RB1: variants seen among roughly 807,000 people sequenced by gnomAD.
The protein encoded by RB1 is retinoblastoma-associated protein.
Under a neutral mutation model 135.4 loss-of-function variants are expected in RB1, and 18 were observed. That is an observed-to-expected ratio of 0.13 (90% confidence interval 0.09 to 0.20). The LOEUF is 0.20. Among genes scored for constraint, RB1 ranks in the 10% least tolerant of loss-of-function variants. The pLI, the probability that RB1 is intolerant of heterozygous loss-of-function variation, is 1.00. For missense variants in RB1, 868 were observed against 1,110.0 expected (o/e 0.78, Z 3.10); for synonymous variants, 365 against 373.2 (o/e 0.98, Z 0.25).
At chr13:48,474,403 G>A (rs905412923) in intron 24 of RB1, among the ~76,000 whole-genome samples, 2 of 152,072 alleles carry the variant, frequency 1.3e-5, no homozygotes, top group Non-Finnish European at 2.9e-5. Flanking sequence ...AATTCGAAGG[G>A]TTTTAGGAGC....
intron 17 of RB1, among the ~76,000 whole-genome samples, chr13:48,429,944 T>C (rs1949112881): frequency 6.6e-6 from 1 of 152,184 alleles, no homozygotes; most frequent in African/African-American, 2.4e-5. Flanking sequence ...TGCCAGGCAG[T>C]TTTTCTGGGA....
intron 17 of RB1, among the ~76,000 whole-genome samples, chr13:48,422,369 G>A (rs879273393): frequency 3.3e-5 from 5 of 152,114 alleles, no homozygotes; most frequent in Admixed American, 1.3e-4. Flanking sequence ...GCCTGTCGGG[G>A]TTGGGGGTTA....
intron 17 of RB1, among the ~76,000 whole-genome samples, chr13:48,387,483 A>G (rs1296417464): frequency 6.6e-6 from 1 of 152,152 alleles, no homozygotes. Flanking sequence ...TGAAATGTCC[A>G]CAAGAGGCAA....
chr13:48,388,912 C>A lies in RB1; in HGVS notation c.1695+7469C>A, dbSNP rs1054118722. 5.9e-5 allele frequency among the ~76,000 whole-genome samples: 9 copies of A among 152,232 alleles called. No individual in the cohort carries two copies. In the East Asian group the frequency reaches 1.7e-3, roughly 29 times the overall value. ...CAATGGCTCCCGCCTGTAATCCCAG[C>A]ACTTTGGGAGGCTGAGGCAGGTGGA... On this transcript the variant is annotated intron_variant, in intron 17 of 26. Transcript: ENST00000267163.
chr13:48,390,729 A>G (rs982240928), intron 17 of RB1, among the ~76,000 whole-genome samples: 1 of 152,174 alleles, frequency 6.6e-6, no homozygotes, highest in African/African-American at 2.4e-5. Context: ...TATCCCTCGT[A>G]ATATTGTTTG....
intron 2 of RB1, chr13:48,317,510 C>T (rs1952196491): frequency 8.9e-6 from 4 of 449,656 alleles, no homozygotes; most frequent in South Asian, 2.1e-5. Flanking sequence ...TGAAAGCTCC[C>T]CCCAGCACCT....
intron 18 of RB1, among the ~76,000 whole-genome samples, chr13:48,455,911 C>T (rs1444564351): frequency 1.3e-5 from 2 of 152,062 alleles, no homozygotes; most frequent in Admixed American, 1.3e-4. Flanking sequence ...CTGGAATCAC[C>T]TTATGGTCTC....
chr13:48,459,443 G>C (rs555816076), intron 19 of RB1, among the ~76,000 whole-genome samples: 142 of 152,238 alleles, frequency 9.3e-4, no homozygotes, highest in Non-Finnish European at 1.9e-3. Context: ...GGAGGGCAAG[G>C]AAAATCCATG....
intron 12 of RB1, among the ~76,000 whole-genome samples, chr13:48,374,681 G>T (rs918422696): frequency 6.6e-6 from 1 of 152,086 alleles, no homozygotes; most frequent in African/African-American, 2.4e-5. Flanking sequence ...GCTAATGAAA[G>T]AATTTAAAAG....
intron 17 of RB1, among the ~76,000 whole-genome samples, chr13:48,418,614 C>G (rs1054000130): frequency 6.6e-6 from 1 of 151,758 alleles, no homozygotes; most frequent in African/African-American, 2.4e-5. Context: ...GAGTCAAGAC[C>G]CATCAGTGTG....
chr13:48,448,773 T>C (rs1459949535), intron 17 of RB1, among the ~76,000 whole-genome samples: 2 of 152,228 alleles, frequency 1.3e-5, no homozygotes, highest in Non-Finnish European at 2.9e-5. Flanking sequence ...AAGAGTTGAA[T>C]GTTCAAGTGG....
intron 6 of RB1, among the ~76,000 whole-genome samples, chr13:48,351,442 C>A (rs1316325787): frequency 6.6e-6 from 1 of 151,406 alleles, no homozygotes; most frequent in African/African-American, 2.4e-5. Context: ...GGTTTTTTTT[C>A]TCTTGCAAAT....
intron 2 of RB1, among the ~76,000 whole-genome samples, chr13:48,335,180 T>C (rs1952371960): frequency 6.6e-6 from 1 of 152,136 alleles, no homozygotes; most frequent in Non-Finnish European, 1.5e-5. Context: ...CTTAACGTTA[T>C]ATGTTGGGTA....
intron 2 of RB1, chr13:48,318,362 C>T: frequency 6.9e-7 from 1 of 1,454,072 alleles, no homozygotes; most frequent in Non-Finnish European, 9.3e-7. Context: ...CCCTGCACCT[C>T]TTCTTGAGCT....
At chr13:48,458,670 C>G (rs1667366630) in intron 19 of RB1, among the ~76,000 whole-genome samples, 2 of 152,056 alleles carry the variant, frequency 1.3e-5, no homozygotes, top group Non-Finnish European at 2.9e-5. Flanking sequence ...AGTTTAAGAC[C>G]ACTGAGATAA....
intron 2 of RB1, among the ~76,000 whole-genome samples, chr13:48,321,180 G>A (rs564315601): frequency 1.6e-4 from 25 of 152,234 alleles, no homozygotes; most frequent in Non-Finnish European, 2.9e-4. Context: ...GGGGGGAGGC[G>A]GCGGGCCCGG....
At chr13:48,394,641 T>C (rs1948634257) in intron 17 of RB1, among the ~76,000 whole-genome samples, 1 of 152,198 alleles carries the variant, frequency 6.6e-6, no homozygotes, top group African/African-American at 2.4e-5. Flanking sequence ...AAGTTCAAAC[T>C]GGGCAGAGCC....
chr13:48,412,359 C>T, intron 17 of RB1: 1 of 1,613,754 alleles, frequency 6.2e-7, no homozygotes, highest in Non-Finnish European at 8.5e-7. Context: ...GCTGAACATG[C>T]ACCCATACAA....
chr13:48,318,536 C>G (rs1952205671), intron 2 of RB1: 1 of 848,330 alleles, frequency 1.2e-6, no homozygotes, highest in African/African-American at 1.7e-5. Flanking sequence ...TGGCTGCGCC[C>G]TCCCCTCCCG....
Sources: allele counts gnomAD v4.1 joint callset (sites outside exome capture counted in the v4.1 genomes callset), GRCh38; gene constraint gnomAD v4.1.1; transcripts MANE v1.5; gene names NCBI Gene and HGNC (gene_info 2026-07-23, HGNC 2026-07-21).